The following INTS6 variants were observed in gnomAD, a reference collection of about 807,000 sequenced individuals.
INTS6 encodes DEAD box protein.
INTS6 carries 16 observed loss-of-function variants against 104.9 expected under a neutral mutation model. The ratio of observed to expected loss-of-function variants is 0.15; its 90% CI spans 0.10 to 0.23. The LOEUF is 0.23. Among genes scored for constraint, INTS6 ranks in the 10% least tolerant of loss-of-function variants. INTS6 has a pLI of 1.00. For missense variants in INTS6, 584 were observed against 1,062.8 expected (o/e 0.55, Z 6.26); for synonymous variants, 324 against 358.7 (o/e 0.90, Z 1.09).
Position 51,364,290 on chromosome 13 carries a change from T to C in INTS6, c.*1462A>G, listed in dbSNP as rs1414597213. On this transcript the variant is annotated 3_prime_UTR_variant, in exon 18 of 18. Coordinates refer to ENST00000311234, the MANE Select transcript of INTS6 (RefSeq NM_012141.3). ...TCAAATCCCCTAGACTAAATGCATG[T>C]TCTCCACTTTCATCAATGCTTTTCT... The C allele has an allele frequency of 1.5e-5, 22 of 1,432,236 alleles. No homozygotes were observed. The highest frequency in any genetic ancestry group is 2.0e-5 in the Non-Finnish European group (21 of 1,062,138). The allele number at this position is 1,432,236 out of a possible 1,614,324, so 88.7% of individuals were successfully genotyped here.
Position 51,452,213 on chromosome 13 carries a change from C to G in INTS6, c.112-158G>C. 1 of 679,588 alleles carries G rather than the reference C, an allele frequency of 1.5e-6. No homozygotes were observed. Among genetic ancestry groups the G allele is most frequent in the Admixed American group, 4.0e-5 (1 of 24,922 alleles). 42.1% of individuals were successfully genotyped at this position (679,588 alleles called of 1,614,324 possible). A position where few individuals can be genotyped will look rare whatever the true frequency, so the allele number is the denominator to read the frequency against. On this transcript the variant is annotated intron_variant, in intron 1 of 17. Transcript: ENST00000311234. This position sits in a 1 kb window ranked among gnomAD's most constrained non-coding sequence, Gnocchi z 4.2. ...TCCCCCACACACAGATCGCTCCCCA[C>G]ACACCGCCCGGGGCCGGAGCCCGGG...
At chr13:51,351,037 A>G (rs1340053759), downstream of INTS6, among the ~76,000 whole-genome samples, 1 of 152,108 alleles carries the variant, frequency 6.6e-6, no homozygotes, top group Non-Finnish European at 1.5e-5. Context: ...TTGTTTACCT[A>G]TTCATCAATT....
chr13:51,384,802 A>G, intron 7 of INTS6: 1 of 410,084 alleles, frequency 2.4e-6, no homozygotes, highest in South Asian at 1.8e-5. Context: ...TCAATACTAA[A>G]CTCTCATCTC....
At chr13:51,438,333 A>G (rs1016080712) in intron 3 of INTS6, 1 of 151,902 alleles carries the variant, frequency 6.6e-6, no homozygotes, top group African/African-American at 2.4e-5. Flanking sequence ...TAACTACATA[A>G]TACTTGTGCC....
intron 4 of INTS6, among the ~76,000 whole-genome samples, chr13:51,408,954 T>C (rs1441379294): frequency 6.6e-6 from 1 of 152,164 alleles, no homozygotes; most frequent in African/African-American, 2.4e-5. Flanking sequence ...AACTATAGCA[T>C]AAAATTATCT....
downstream of INTS6, chr13:51,361,364 G>A (rs1309509177): frequency 6.9e-6 from 11 of 1,594,860 alleles, no homozygotes; most frequent in Non-Finnish European, 9.4e-6. Context: ...TGGAGCCACA[G>A]GTATGTTCAG....
chr13:51,357,519 G>A (rs1419538468), downstream of INTS6, among the ~76,000 whole-genome samples: 18 of 151,994 alleles, frequency 1.2e-4, no homozygotes, highest in Admixed American at 1.1e-3. Flanking sequence ...TGGCCTTTCG[G>A]TCCCAAAGCC....
At position 51,364,284 on chromosome 13, in the gene INTS6, T is replaced by C. The variant is rs1955642042; in HGVS notation, c.*1468A>G. On this transcript the variant is annotated 3_prime_UTR_variant, in exon 18 of 18. Coordinates refer to ENST00000311234, the MANE Select transcript of INTS6 (RefSeq NM_012141.3). ...AGAGTTTCAAATCCCCTAGACTAAA[T>C]GCATGTTCTCCACTTTCATCAATGC... The C allele has an allele frequency of 1.3e-5, 19 of 1,458,722 alleles. No individual in the cohort carries two copies. The highest frequency in any genetic ancestry group is 2.5e-5 in the East Asian group (1 of 40,190). 90.4% of individuals were successfully genotyped at this position (1,458,722 alleles called of 1,614,324 possible).
At chr13:51,451,748 TGCCGG>T (rs1163753603) in intron 2 of INTS6, among the ~76,000 whole-genome samples, 1 of 139,884 alleles carries the variant, frequency 7.1e-6, no homozygotes, top group African/African-American at 2.6e-5. Context: ...CCGCCGCCGC[TGCCGG>T]GCCGGGCCGG....
At chr13:51,411,430 G>T (rs1254631154) in intron 4 of INTS6, among the ~76,000 whole-genome samples, 1 of 151,286 alleles carries the variant, frequency 6.6e-6, no homozygotes, top group East Asian at 1.9e-4. Context: ...GCGGGCACCT[G>T]TAACCCCAGC....
intron 4 of INTS6, among the ~76,000 whole-genome samples, chr13:51,396,057 C>CA (rs954562929): frequency 6.6e-6 from 1 of 152,202 alleles, no homozygotes; most frequent in East Asian, 1.9e-4. Flanking sequence ...CTCGGCCTCT[C>CA]AAAGTGCTGG....
At chr13:51,358,129 C>A (rs1348671549), downstream of INTS6, among the ~76,000 whole-genome samples, 1 of 152,086 alleles carries the variant, frequency 6.6e-6, no homozygotes, top group Non-Finnish European at 1.5e-5. Context: ...TTAGCACTCT[C>A]TCTCCCTCTC....
chr13:51,361,959 T>C lies in INTS6; in HGVS notation c.*3793A>G, dbSNP rs757690305. On this transcript the variant is annotated 3_prime_UTR_variant, in exon 18 of 18. Transcript: ENST00000311234. ...GTGTCTCTCTAGCAACAAGGGCTCA[T>C]TTGTCCACTATCCCCTCAAAAATAA... 3.7e-6 allele frequency: 6 copies of C among 1,611,542 alleles called. No homozygotes were observed. Among genetic ancestry groups the C allele is most frequent in the Non-Finnish European group, 5.1e-6 (6 of 1,178,592 alleles).
intron 16 of INTS6, 104 bp from the exon 17 acceptor site, chr13:51,368,002 A>G (rs1405462044): frequency 1.8e-6 from 1 of 560,612 alleles, no homozygotes; most frequent in Non-Finnish European, 3.0e-6. Context: ...ACTGAGATAA[A>G]AACATTCTAC....
intron 3 of INTS6, among the ~76,000 whole-genome samples, chr13:51,433,934 G>A (rs1246995692): frequency 6.6e-6 from 1 of 152,094 alleles, no homozygotes; most frequent in Admixed American, 6.6e-5. Flanking sequence ...AAATATTCAG[G>A]GAGATTAAAT....
intron 4 of INTS6, among the ~76,000 whole-genome samples, chr13:51,419,120 C>G (rs1369435078): frequency 6.6e-6 from 1 of 152,142 alleles, no homozygotes; most frequent in Non-Finnish European, 1.5e-5. Flanking sequence ...CTAAATAGCA[C>G]TCCAAGTTTC....
chr13:51,361,579 A>G lies in INTS6; in HGVS notation c.*4173T>C. 3 of 584,626 alleles carry G rather than the reference A, an allele frequency of 5.1e-6. No individual in the cohort carries two copies. The South Asian group carries it at 7.1e-5, about 14-fold the overall frequency. 36.2% of individuals were successfully genotyped at this position (584,626 alleles called of 1,614,324 possible). A position where few individuals can be genotyped will look rare whatever the true frequency, so the allele number is the denominator to read the frequency against. Reference sequence around the variant, plus strand: ...TCCCATAAAAATAATTCTGAAAGTTACCTTCAATAAGGAATTTATTCCATG... The same window carrying G: ...TCCCATAAAAATAATTCTGAAAGTTGCCTTCAATAAGGAATTTATTCCATG... On this transcript the variant is annotated 3_prime_UTR_variant, in exon 18 of 18. Transcript: ENST00000311234.
chr13:51,424,655 A>C (rs1378874731), intron 4 of INTS6, among the ~76,000 whole-genome samples: 1 of 152,014 alleles, frequency 6.6e-6, no homozygotes, highest in East Asian at 1.9e-4. Context: ...ATTGACAGAG[A>C]CTAACATATA....
At chr13:51,394,334 T>C (rs1956296639) in intron 5 of INTS6, among the ~76,000 whole-genome samples, 1 of 152,220 alleles carries the variant, frequency 6.6e-6, no homozygotes, top group South Asian at 2.1e-4. Flanking sequence ...TTTCTATCTA[T>C]TTCACACACC....
Sources: allele counts gnomAD v4.1 joint callset (sites outside exome capture counted in the v4.1 genomes callset), GRCh38; gene constraint gnomAD v4.1.1; non-coding constraint Gnocchi (gnomAD v3.1); transcripts MANE v1.5; gene names NCBI Gene and HGNC (gene_info 2026-07-23, HGNC 2026-07-21).